The following ULK4 variants were observed in gnomAD, a reference collection of about 807,000 sequenced individuals.
ULK4 encodes unc-51 like kinase 4.
In ULK4, 133 loss-of-function variants were observed where a neutral mutation model predicts 160.6. That is an observed-to-expected ratio of 0.83 (90% confidence interval 0.72 to 0.96). ULK4 has a LOEUF of 0.96. Among genes scored for constraint, ULK4 ranks in the 40% least tolerant of loss-of-function variants. The probability of loss-of-function intolerance (pLI) is 0.00; values close to 1 mark genes in which losing one functional copy is unlikely to be tolerated. For missense variants in ULK4, 1,580 were observed against 1,499.5 expected (o/e 1.05, Z -0.89); for synonymous variants, 534 against 539.8 (o/e 0.99, Z 0.15).
At chr3:41,478,644 C>T (rs980079264) in intron 32 of ULK4, among the ~76,000 whole-genome samples, 11 of 152,174 alleles carry the variant, frequency 7.2e-5, no homozygotes, top group African/African-American at 1.4e-4. Flanking sequence ...TGAAAAGTTT[C>T]GGATGGGATA....
chr3:41,949,741 TTTTC>T (rs1403147591), intron 2 of ULK4, among the ~76,000 whole-genome samples: 19 of 147,814 alleles, frequency 1.3e-4, no homozygotes, highest in African/African-American at 4.4e-4. Context: ...GCCTTTTTTT[TTTTC>T]TTTCTTTTTT....
At chr3:41,549,999 G>A (rs1363470076) in intron 32 of ULK4, among the ~76,000 whole-genome samples, 1 of 151,962 alleles carries the variant, frequency 6.6e-6, no homozygotes, top group African/African-American at 2.4e-5. Context: ...AAAATCTTTA[G>A]CAGACAAACA....
intron 32 of ULK4, among the ~76,000 whole-genome samples, chr3:41,493,407 T>A (rs2084866397): frequency 7.2e-6 from 1 of 138,048 alleles, no homozygotes. Context: ...CATACCAGAA[T>A]CTCTGGGACA....
At chr3:41,480,717 T>C (rs2084294732) in intron 32 of ULK4, among the ~76,000 whole-genome samples, 2 of 152,298 alleles carry the variant, frequency 1.3e-5, no homozygotes, top group Non-Finnish European at 2.9e-5. Context: ...CTGGGTAATT[T>C]ATAAAGGAAA....
intron 17 of ULK4, among the ~76,000 whole-genome samples, chr3:41,876,904 G>A (rs1697324989): frequency 6.6e-6 from 1 of 152,128 alleles, no homozygotes; most frequent in Admixed American, 6.6e-5. Context: ...CGGGTATGCT[G>A]GCAATGTTCT....
chr3:41,412,870 C>G (rs1364013291), intron 34 of ULK4, among the ~76,000 whole-genome samples: 1 of 152,052 alleles, frequency 6.6e-6, no homozygotes, highest in African/African-American at 2.4e-5. Flanking sequence ...CAAGAGAATA[C>G]ATTTTCAAAA....
intron 32 of ULK4, among the ~76,000 whole-genome samples, chr3:41,552,125 A>G (rs1028896653): frequency 2.0e-5 from 3 of 151,980 alleles, no homozygotes; most frequent in Non-Finnish European, 4.4e-5. Flanking sequence ...TATAGTAATA[A>G]AGGCCAAATA....
intron 20 of ULK4, among the ~76,000 whole-genome samples, chr3:41,799,688 C>T (rs948354830): frequency 1.3e-5 from 2 of 151,994 alleles, no homozygotes; most frequent in Admixed American, 1.3e-4. Flanking sequence ...ATGACAAGAC[C>T]CCATCTCTAC....
chr3:41,745,602 C>T (rs1282941339), intron 22 of ULK4, among the ~76,000 whole-genome samples: 2 of 151,596 alleles, frequency 1.3e-5, no homozygotes, highest in Non-Finnish European at 2.9e-5. Flanking sequence ...CATACAGTCT[C>T]TTCCAGAAAA....
chr3:41,526,233 A>C (rs1022346021), intron 32 of ULK4, among the ~76,000 whole-genome samples: 2 of 152,036 alleles, frequency 1.3e-5, no homozygotes, highest in Non-Finnish European at 2.9e-5. Context: ...CTTTTGTATA[A>C]GTTTCTTCCC....
chr3:41,794,660 C>CAAAAAAAAAAA (rs71075484), intron 20 of ULK4, among the ~76,000 whole-genome samples: 348 of 18,940 alleles, frequency 0.018, 39 homozygotes, highest in Middle Eastern at 0.071. Context: ...GACTCTGTCT[C>CAAAAAAAAAAA]AAAAAAAAAA....
chr3:41,250,406 A>G (rs968624825), intron 35 of ULK4, among the ~76,000 whole-genome samples: 10 of 152,198 alleles, frequency 6.6e-5, no homozygotes, highest in Admixed American at 6.5e-4. Flanking sequence ...TGTTTCCTAT[A>G]TGTTTTCTCA....
At chr3:41,359,242 G>A (rs2081084532) in intron 35 of ULK4, among the ~76,000 whole-genome samples, 1 of 152,224 alleles carries the variant, frequency 6.6e-6, no homozygotes, top group Admixed American at 6.5e-5. Flanking sequence ...AAGATGTGGA[G>A]CATGCAGCTG....
At chr3:41,287,892 G>C (rs17055036) in intron 35 of ULK4, among the ~76,000 whole-genome samples, 1 of 152,118 alleles carries the variant, frequency 6.6e-6, no homozygotes, top group Non-Finnish European at 1.5e-5. Context: ...GGTTACACAT[G>C]GGGACATTTG....
intron 32 of ULK4, among the ~76,000 whole-genome samples, chr3:41,484,598 G>A (rs1005303053): frequency 2.6e-5 from 4 of 151,890 alleles, no homozygotes; most frequent in South Asian, 2.1e-4. Flanking sequence ...GACTACAGGC[G>A]CCCGCCACCA....
intron 35 of ULK4, among the ~76,000 whole-genome samples, chr3:41,291,340 G>C (rs76710653): frequency 0.04 from 5,776 of 145,128 alleles, 279 homozygotes; most frequent in East Asian, 0.18. Context: ...GAGAAAGAAG[G>C]AAGGAAGGAG....
At chr3:41,511,620 A>G (rs1336161267) in intron 32 of ULK4, among the ~76,000 whole-genome samples, 3 of 152,092 alleles carry the variant, frequency 2.0e-5, no homozygotes, top group Non-Finnish European at 4.4e-5. Context: ...AGAGAAAAGC[A>G]AACAGTGAGA....
At chr3:41,580,369 A>ATTAT (rs941763345) in intron 31 of ULK4, among the ~76,000 whole-genome samples, 1 of 150,720 alleles carries the variant, frequency 6.6e-6, no homozygotes, top group Non-Finnish European at 1.5e-5. Context: ...AGTTAAACCA[A>ATTAT]TTATTTATTT....
intron 35 of ULK4, among the ~76,000 whole-genome samples, chr3:41,338,178 A>G (rs981884061): frequency 2.6e-5 from 4 of 152,222 alleles, no homozygotes; most frequent in East Asian, 1.9e-4. Context: ...TTTTTCTCCA[A>G]TAGGATTGTA....
Sources: gnomAD v4.1 joint callset for allele counts (sites outside exome capture counted in the v4.1 genomes callset) on GRCh38, gnomAD v4.1.1 for gene constraint, MANE v1.5 for transcripts, NCBI Gene and HGNC (gene_info 2026-07-23, HGNC 2026-07-21) for gene names.